NRCAM: variants seen among roughly 807,000 people sequenced by gnomAD.
NRCAM encodes the protein neuronal cell adhesion molecule.
NRCAM carries 83 observed loss-of-function variants against 156.5 expected under a neutral mutation model. That is an observed-to-expected ratio of 0.53 (90% confidence interval 0.44 to 0.64). The LOEUF is 0.64. Among genes scored for constraint, NRCAM ranks in the 30% least tolerant of loss-of-function variants. The probability of loss-of-function intolerance (pLI) is 0.00; values close to 1 mark genes in which losing one functional copy is unlikely to be tolerated. For missense variants in NRCAM, 1,417 were observed against 1,597.3 expected (o/e 0.89, Z 1.92); for synonymous variants, 538 against 563.9 (o/e 0.95, Z 0.65).
intron 28 of NRCAM, among the ~76,000 whole-genome samples, chr7:108,173,818 A>G (rs2059451308): frequency 6.6e-6 from 1 of 152,198 alleles, no homozygotes. Flanking sequence ...AAATGGTAAA[A>G]CCAAAACTCT....
chr7:108,410,684 C>A (rs1794301790), intron 1 of NRCAM, among the ~76,000 whole-genome samples: 1 of 152,176 alleles, frequency 6.6e-6, no homozygotes, highest in African/African-American at 2.4e-5. Flanking sequence ...AAGGACAAAA[C>A]AGGTCACCTC....
At chr7:108,374,197 G>A (rs2099650283) in intron 2 of NRCAM, among the ~76,000 whole-genome samples, 1 of 152,148 alleles carries the variant, frequency 6.6e-6, no homozygotes, top group South Asian at 2.1e-4. Context: ...CTAGGGCTCT[G>A]AAGCTAGAAG....
chr7:108,172,715 G>A (rs530588005), intron 28 of NRCAM, among the ~76,000 whole-genome samples: 6 of 152,176 alleles, frequency 3.9e-5, no homozygotes, highest in East Asian at 1.9e-4. Flanking sequence ...AAGGTCTCGC[G>A]TATGTAATTA....
intron 32 of NRCAM, among the ~76,000 whole-genome samples, chr7:108,150,541 A>G (rs2040742053): frequency 1.3e-5 from 2 of 152,224 alleles, no homozygotes; most frequent in Admixed American, 1.3e-4. Context: ...GTTAAACTGC[A>G]TAATATCTCT....
chr7:108,186,727 T>G (rs1374708776), intron 20 of NRCAM, among the ~76,000 whole-genome samples: 1 of 152,254 alleles, frequency 6.6e-6, no homozygotes, highest in African/African-American at 2.4e-5. Context: ...CTTAAATAAA[T>G]GTAAGCAATT....
At chr7:108,161,997 C>T (rs1362595074) in intron 30 of NRCAM, among the ~76,000 whole-genome samples, 1 of 152,192 alleles carries the variant, frequency 6.6e-6, no homozygotes, top group African/African-American at 2.4e-5. Context: ...AAGATGAGGA[C>T]AATGGTAATA....
At chr7:108,223,662 C>T (rs755646216) in intron 11 of NRCAM, 63 bp downstream of exon 11, 3 of 811,762 alleles carry the variant, frequency 3.7e-6, no homozygotes, top group Non-Finnish European at 6.1e-6. Flanking sequence ...TTATTAACCT[C>T]TCTCTACCAA....
chr7:108,383,153 C>CACACAA (rs10669547), intron 2 of NRCAM, among the ~76,000 whole-genome samples: 4 of 151,494 alleles, frequency 2.6e-5, no homozygotes, highest in African/African-American at 4.9e-5. Flanking sequence ...CACACACACA[C>CACACAA]ACCCCTTGGT....
chr7:108,277,726 A>G (rs993153352), intron 3 of NRCAM, among the ~76,000 whole-genome samples: 2 of 152,034 alleles, frequency 1.3e-5, no homozygotes, highest in Non-Finnish European at 2.9e-5. Flanking sequence ...AACCTTCTGA[A>G]GCCTACTTCT....
intron 2 of NRCAM, among the ~76,000 whole-genome samples, chr7:108,324,431 A>T (rs2099041023): frequency 6.6e-6 from 1 of 152,120 alleles, no homozygotes; most frequent in Admixed American, 6.5e-5. Flanking sequence ...GCTTGTCTTC[A>T]CATCAGATAA....
intron 3 of NRCAM, among the ~76,000 whole-genome samples, chr7:108,252,688 C>A (rs1184302853): frequency 6.6e-6 from 1 of 152,198 alleles, no homozygotes; most frequent in Non-Finnish European, 1.5e-5. Context: ...TTAACTAAAT[C>A]AAGACACCTA....
chr7:108,192,842 A>G (rs1321332224), intron 17 of NRCAM, among the ~76,000 whole-genome samples: 2 of 152,250 alleles, frequency 1.3e-5, no homozygotes, highest in East Asian at 1.9e-4. Flanking sequence ...TAGATGAACA[A>G]TCTCTCTAAG....
chr7:108,291,721 GAAAAGA>G (rs1398998064), intron 3 of NRCAM, among the ~76,000 whole-genome samples: 3 of 152,052 alleles, frequency 2.0e-5, no homozygotes, highest in Non-Finnish European at 4.4e-5. Context: ...AGAGAGAAGA[GAAAAGA>G]AAGTATAGAG....
intron 2 of NRCAM, among the ~76,000 whole-genome samples, chr7:108,363,247 C>T (rs2099570819): frequency 6.6e-6 from 1 of 152,094 alleles, no homozygotes; most frequent in South Asian, 2.1e-4. Context: ...GCAGATACTC[C>T]ACCCTCAAGG....
intron 1 of NRCAM, among the ~76,000 whole-genome samples, chr7:108,429,448 T>C (rs1821970827): frequency 6.6e-6 from 1 of 152,154 alleles, no homozygotes; most frequent in Non-Finnish European, 1.5e-5. Flanking sequence ...CATCTTTGCC[T>C]CCCAAACTGT....
At chr7:108,388,496 C>T (rs888884165) in intron 2 of NRCAM, among the ~76,000 whole-genome samples, 3 of 152,060 alleles carry the variant, frequency 2.0e-5, no homozygotes, top group Admixed American at 6.5e-5. Context: ...AAATTTTCTC[C>T]CATTCTGTAG....
intron 3 of NRCAM, among the ~76,000 whole-genome samples, chr7:108,310,108 G>A (rs2098781385): frequency 6.6e-6 from 1 of 152,176 alleles, no homozygotes; most frequent in Non-Finnish European, 1.5e-5. Flanking sequence ...AAAACAGTCA[G>A]TAAATGACTC....
intron 17 of NRCAM, among the ~76,000 whole-genome samples, chr7:108,193,803 G>A (rs549238524): frequency 3.1e-4 from 47 of 152,234 alleles, no homozygotes; most frequent in Non-Finnish European, 4.4e-4. Context: ...AGACCAGCAC[G>A]CAAAGATAGA....
intron 30 of NRCAM, among the ~76,000 whole-genome samples, chr7:108,163,263 G>T (rs2050490454): frequency 6.6e-6 from 1 of 152,132 alleles, no homozygotes; most frequent in Admixed American, 6.5e-5. Flanking sequence ...AGGAGAATGA[G>T]ATTTGCTTTG....
Sources: gnomAD v4.1 joint callset for allele counts (sites outside exome capture counted in the v4.1 genomes callset) on GRCh38, gnomAD v4.1.1 for gene constraint, MANE v1.5 for transcripts, NCBI Gene and HGNC (gene_info 2026-07-23, HGNC 2026-07-21) for gene names.